Variants in CHD4 observed in about 807,000 individuals in gnomAD.
CHD4 encodes the protein chromodomain helicase DNA binding protein 4.
Under a neutral mutation model 235.5 loss-of-function variants are expected in CHD4, and 35 were observed. The ratio of observed to expected loss-of-function variants is 0.15; its 90% confidence interval spans 0.11 to 0.20. The LOEUF is 0.20. Ranked by LOEUF, CHD4 falls within the 10% of genes least tolerant of loss-of-function variation. The pLI is 1.00. For synonymous variants in CHD4, 900 were observed against 850.2 expected, an observed-to-expected ratio of 1.06 and a Z score of -1.02; for missense variants, 1,329 against 2,432.3, an observed-to-expected ratio of 0.55 and a Z score of 9.54.
At chr12:6,600,855 G>C in intron 7 of CHD4, 71 bp downstream of exon 7, 1 of 1,524,722 alleles carries the variant, frequency 6.6e-7, no homozygotes, top group South Asian at 1.3e-5. Flanking sequence ...TGAAGGACAG[G>C]TTCTGATAGA....
Position 6,606,275 on chromosome 12 carries a change from TGGGTG to T in CHD4, c.94_98del (p.His32ArgfsTer3). On this transcript the variant is annotated frameshift_variant and splice_region_variant, in exon 2 of 40. Coordinates refer to ENST00000544040, the MANE Select transcript of CHD4 (RefSeq NM_001273.5). LOFTEE classifies it high-confidence loss of function. The stretch of plus-strand genomic sequence containing the variant: ...ATGGGCCCTTGGGGAAGATGTTACC[TGGGTG>T]GGGTGGGGGCAGGCTGTTGTTCAAA... The T allele has an allele frequency of 6.4e-7, 1 of 1,572,370 alleles. No homozygotes were observed. The highest frequency in any genetic ancestry group is 8.6e-7 in the Non-Finnish European group (1 of 1,157,222).
chr12:6,580,780 A>C, intron 33 of CHD4: 1 of 362,170 alleles, frequency 2.8e-6, no homozygotes, highest in Non-Finnish European at 4.9e-6. Flanking sequence ...AGGCAAAAGC[A>C]GGTGGATCAT....
chr12:6,601,214 C>A, intron 6 of CHD4, 75 bp downstream of exon 6: 1 of 1,573,710 alleles, frequency 6.4e-7, no homozygotes, highest in Non-Finnish European at 8.7e-7. Context: ...GGCTGACAGA[C>A]CAGCATTCCC....
At chr12:6,600,734 G>A (rs187533752) in intron 7 of CHD4, 65 bp from the exon 8 acceptor site, 89 of 1,589,088 alleles carry the variant, frequency 5.6e-5, no homozygotes, top group Admixed American at 3.1e-4. Context: ...GTGGCAGAGA[G>A]GGGAGTACTC....
chr12:6,595,242 T>G, intron 14 of CHD4, 92 bp downstream of exon 14: 1 of 1,084,710 alleles, frequency 9.2e-7, no homozygotes, highest in Admixed American at 2.1e-5. Context: ...AGTTACTATC[T>G]GCATTTCATT....
chr12:6,588,579 A>C (rs1948340910), intron 22 of CHD4, among the ~76,000 whole-genome samples, 157 bp from the exon 23 acceptor site: 1 of 152,152 alleles, frequency 6.6e-6, no homozygotes, highest in Non-Finnish European at 1.5e-5. Context: ...GGAGTTCGAG[A>C]CCAGCCTGGC....
chr12:6,597,793 G>C (rs1948525551), intron 12 of CHD4, 101 bp downstream of exon 12: 1 of 1,064,816 alleles, frequency 9.4e-7, no homozygotes, highest in African/African-American at 1.6e-5. Flanking sequence ...AAAAAAACCA[G>C]TGTCTTCCAA....
Position 6,593,299 on chromosome 12 carries a change from A to T in CHD4, c.2515-71T>A. ...TAAGCACAACCAGGAGACTGATGGA[A>T]TGTTTTCCTCCTCCCAGGGTTACCC... On this transcript the variant is annotated intron_variant, in intron 16 of 39. Transcript: ENST00000544040. The surrounding 1 kb of genome is among the most constrained non-coding windows in gnomAD (Gnocchi z 4.9). 2 of 1,606,320 alleles carry T rather than the reference A, an allele frequency of 1.2e-6. No individual in the cohort carries two copies. The highest frequency in any genetic ancestry group is 1.7e-6 in the Non-Finnish European group (2 of 1,173,868).
chr12:6,597,453 T>C (rs1462672942), intron 12 of CHD4, among the ~76,000 whole-genome samples: 1 of 148,330 alleles, frequency 6.7e-6, no homozygotes, highest in Non-Finnish European at 1.5e-5. Context: ...GCAACACAGC[T>C]AAAATTTGTC....
intron 37 of CHD4, among the ~76,000 whole-genome samples, chr12:6,574,225 T>C (rs1467386757): frequency 6.6e-6 from 1 of 152,152 alleles, no homozygotes; most frequent in Non-Finnish European, 1.5e-5. Context: ...TAAAATGCTT[T>C]TTCTTCTCCC....
rs1394317450 is a variant in CHD4, at chr12:6,602,512, CAA to C, written c.101-17_101-16del. The C allele has an allele frequency of 5.0e-6, 8 of 1,610,236 alleles. 1 individual carries two copies. In the Admixed American group the frequency reaches 1.0e-4, roughly 20 times the overall value. Reference sequence around the variant, plus strand: ...CTCTTCATTTTCTACATATATTTGGCAAAGAGTGGTAGGCAGGGAAAAGATCA... The same window carrying C: ...CTCTTCATTTTCTACATATATTTGGCAGAGTGGTAGGCAGGGAAAAGATCA... On this transcript the variant is annotated splice_polypyrimidine_tract_variant and intron_variant, in intron 2 of 39. Transcript: ENST00000544040.
intron 33 of CHD4, among the ~76,000 whole-genome samples, chr12:6,579,808 G>A (rs1391081347): frequency 6.7e-6 from 1 of 149,014 alleles, no homozygotes; most frequent in Non-Finnish European, 1.5e-5. Flanking sequence ...TGTAATCCCC[G>A]CACTTTGGGA....
In CHD4 at chr12:6,601,965, A is replaced by AATCATC. The variant is rs747127748; in HGVS notation, c.427_432dup (p.Asp143_Asp144dup). 2 of 1,607,370 alleles carry AATCATC rather than the reference A, an allele frequency of 1.2e-6. No individual in the cohort carries two copies. Among genetic ancestry groups the AATCATC allele is most frequent in the Non-Finnish European group, 1.7e-6 (2 of 1,179,448 alleles). ...GAGGATGGAGGTCCAGGCACCTTTG[A>AATCATC]ATCATCATCATCATCCTCCTCCTCC... is the stretch of plus-strand genomic sequence containing the variant. On this transcript the variant is annotated inframe_insertion, in exon 4 of 40. Coordinates refer to ENST00000544040, the MANE Select transcript of CHD4 (RefSeq NM_001273.5).
At chr12:6,577,695 T>C in intron 37 of CHD4, 90 bp downstream of exon 37, 3 of 1,528,858 alleles carry the variant, frequency 2.0e-6, no homozygotes, top group South Asian at 1.2e-5. Flanking sequence ...GTGAGAACAG[T>C]GCGCTGGATG....
Position 6,601,455 on chromosome 12 carries a change from C to T in CHD4, c.633G>A (p.Glu211=), listed in dbSNP as rs111569582. ...MMMVLGAKWR[E]FSTNNPFKGS... ...CTTTGAAGGGGTTATTGGTACTGAACTCCCGCCATTTTGCACCCAAAACCA... is the reference window on the plus strand; with the variant it reads ...CTTTGAAGGGGTTATTGGTACTGAATTCCCGCCATTTTGCACCCAAAACCA... Residue 211 remains glutamate (E), a synonymous_variant, in exon 6 of 40, where the codon GAG becomes GAA. Transcript: ENST00000544040. 8.0e-4 allele frequency: 1,295 copies of T among 1,614,186 alleles called. 9 individuals carry two copies. The African/African-American group carries it at 0.015, about 19-fold the overall frequency.
intron 3 of CHD4, 96 bp downstream of exon 3, chr12:6,602,280 T>A: frequency 1.3e-6 from 2 of 1,599,790 alleles, no homozygotes; most frequent in South Asian, 2.2e-5. Flanking sequence ...GGCCCACCAC[T>A]TCTGAGAAAG....
At chr12:6,585,210 C>T (rs113168245) in intron 25 of CHD4, among the ~76,000 whole-genome samples, 40 of 152,286 alleles carry the variant, frequency 2.6e-4, no homozygotes, top group Admixed American at 7.2e-4. Context: ...ACAAGCCACA[C>T]ACACATTCCT....
intron 22 of CHD4, 23 bp from the exon 23 acceptor site, chr12:6,588,445 C>G: frequency 6.2e-7 from 1 of 1,609,404 alleles, no homozygotes; most frequent in Non-Finnish European, 8.5e-7. Flanking sequence ...CCAAAAACAC[C>G]ATTAGAAGTG....
At chr12:6,577,664 G>GTA in intron 37 of CHD4, 121 bp downstream of exon 37, 1 of 1,348,830 alleles carries the variant, frequency 7.4e-7, no homozygotes, top group Non-Finnish European at 1.0e-6. Context: ...TGGGAGCAAA[G>GTA]CCTTCCATAG....
Sources: gnomAD v4.1 joint callset for allele counts (sites outside exome capture counted in the v4.1 genomes callset) on GRCh38, gnomAD v4.1.1 for gene constraint, Gnocchi (gnomAD v3.1) non-coding constraint, MANE v1.5 for transcripts, NCBI Gene and HGNC (gene_info 2026-07-23, HGNC 2026-07-21) for gene names.